GGACT: variants seen among roughly 807,000 people sequenced by gnomAD.
GGACT encodes the protein gamma-glutamylaminecyclotransferase.
For synonymous variants in GGACT, 118 were observed against 115.3 expected, an observed-to-expected ratio of 1.02 and a Z score of -0.15; for missense variants, 241 against 233.2, an observed-to-expected ratio of 1.03 and a Z score of -0.22.
chr13:100,551,982 C>A (rs2088668850), intron 2 of GGACT, among the ~76,000 whole-genome samples: 1 of 152,170 alleles, frequency 6.6e-6, no homozygotes, highest in South Asian at 2.1e-4. Flanking sequence ...GGGTAGCTCC[C>A]TGTGGGCACA....
At chr13:100,578,084 T>C (rs7981664) in intron 2 of GGACT, among the ~76,000 whole-genome samples, 56,973 of 151,988 alleles carry the variant, frequency 0.37, 11,582 homozygotes, top group Non-Finnish European at 0.46. Flanking sequence ...CAAAGTTGAC[T>C]CTGAAAACCA....
At chr13:100,584,708 C>T (rs1178410773) in intron 1 of GGACT, among the ~76,000 whole-genome samples, 1 of 152,126 alleles carries the variant, frequency 6.6e-6, no homozygotes, top group Non-Finnish European at 1.5e-5. Context: ...CACATTGTAT[C>T]TCATATACCT....
chr13:100,557,592 AC>A (rs2088720274), intron 2 of GGACT, among the ~76,000 whole-genome samples: 1 of 151,806 alleles, frequency 6.6e-6, no homozygotes. Context: ...ATTTTTAAAA[AC>A]CTCTTATCTC....
intron 2 of GGACT, among the ~76,000 whole-genome samples, 181 bp downstream of exon 2, chr13:100,583,644 C>T (rs1875482022): frequency 6.6e-6 from 1 of 152,152 alleles, no homozygotes; most frequent in South Asian, 2.1e-4. Flanking sequence ...AATCCTCCTG[C>T]CTCAGCCTCC....
chr13:100,534,793 G>C lies in GGACT; in HGVS notation c.-10-2192C>G, dbSNP rs959045142. ...TGTTGTCTTTGTTCCCCTGGATCCT[G>C]CCCCCAGTGCACCACCCAGAGGGTC... On this transcript the variant is annotated intron_variant, in intron 2 of 2. Coordinates refer to ENST00000683975, the MANE Select transcript of GGACT (RefSeq NM_001195087.2). The surrounding 1 kb of genome is among the most constrained non-coding windows in gnomAD (Gnocchi z 4.9). 1.1e-4 allele frequency among the ~76,000 whole-genome samples: 17 copies of C among 151,934 alleles called. 1 individual carries two copies. The highest frequency in any genetic ancestry group is 5.2e-4 in the Admixed American group (8 of 15,270).
intron 2 of GGACT, among the ~76,000 whole-genome samples, chr13:100,551,305 A>G (rs2088662269): frequency 6.6e-6 from 1 of 152,004 alleles, no homozygotes; most frequent in Admixed American, 6.6e-5. Context: ...AAAAACCCAT[A>G]ATGTATATAT....
chr13:100,570,803 G>C (rs1297682560), intron 2 of GGACT, among the ~76,000 whole-genome samples: 1 of 152,136 alleles, frequency 6.6e-6, no homozygotes, highest in Admixed American at 6.6e-5. Context: ...GACTAATACA[G>C]TAAATTTGTA....
intron 2 of GGACT, among the ~76,000 whole-genome samples, chr13:100,550,775 G>A (rs893749835): frequency 6.6e-6 from 1 of 152,158 alleles, no homozygotes; most frequent in Admixed American, 6.5e-5. Context: ...CAATCCACTC[G>A]CTTCAGAAAC....
intron 2 of GGACT, among the ~76,000 whole-genome samples, chr13:100,544,638 G>A (rs1454602008): frequency 6.6e-6 from 1 of 152,198 alleles, no homozygotes; most frequent in Admixed American, 6.5e-5. Context: ...AAATCAAACG[G>A]ACACTTGGTC....
At chr13:100,532,653 T>G in intron 2 of GGACT, 52 bp from the exon 3 acceptor site, 1 of 1,407,924 alleles carries the variant, frequency 7.1e-7, no homozygotes, top group Non-Finnish European at 9.6e-7. Context: ...GCTCTGTGTC[T>G]GCACCTGGGA....
chr13:100,548,678 G>A (rs904865900), intron 2 of GGACT, among the ~76,000 whole-genome samples: 3 of 152,184 alleles, frequency 2.0e-5, no homozygotes, highest in African/African-American at 7.2e-5. Context: ...CCATAAACAG[G>A]AACAATTATC....
At chr13:100,556,883 C>CT (rs1002011773) in intron 2 of GGACT, among the ~76,000 whole-genome samples, 4 of 151,820 alleles carry the variant, frequency 2.6e-5, no homozygotes, top group African/African-American at 9.7e-5. Flanking sequence ...CAAAGTTTCT[C>CT]TTTTTTTTGA....
chr13:100,586,740 A>G (rs1875588968), intron 1 of GGACT: 1 of 152,218 alleles, frequency 6.6e-6, no homozygotes, highest in Non-Finnish European at 1.5e-5. Flanking sequence ...CGTTCTAGCT[A>G]TTTACCAGGT....
intron 2 of GGACT, among the ~76,000 whole-genome samples, chr13:100,571,297 T>C (rs1372791162): frequency 6.6e-6 from 1 of 152,216 alleles, no homozygotes; most frequent in Non-Finnish European, 1.5e-5. Context: ...TCCAAACTGA[T>C]GCTGTGTCTT....
intron 2 of GGACT, among the ~76,000 whole-genome samples, chr13:100,555,342 C>G (rs868465241): frequency 2.0e-5 from 3 of 152,056 alleles, no homozygotes; most frequent in Admixed American, 6.5e-5. Flanking sequence ...CTGGGCAACA[C>G]AGCAAAACCC....
intron 2 of GGACT, among the ~76,000 whole-genome samples, chr13:100,574,002 A>G (rs1463024774): frequency 1.3e-5 from 2 of 152,238 alleles, no homozygotes; most frequent in East Asian, 3.9e-4. Context: ...CAGAGAACTT[A>G]AAACAGACCT....
At chr13:100,565,796 CACCCACCA>C (rs2088805652) in intron 2 of GGACT, among the ~76,000 whole-genome samples, 2 of 152,170 alleles carry the variant, frequency 1.3e-5, no homozygotes, top group Non-Finnish European at 2.9e-5. Flanking sequence ...TCTCACATGG[CACCCACCA>C]AGCCCATGCC....
At chr13:100,583,305 G>A (rs961786233) in intron 2 of GGACT, among the ~76,000 whole-genome samples, 5 of 152,134 alleles carry the variant, frequency 3.3e-5, no homozygotes, top group East Asian at 1.9e-4. Flanking sequence ...AGGGGAGATC[G>A]ATATTTTTAA....
intron 2 of GGACT, chr13:100,540,203 C>T: frequency 5.4e-6 from 8 of 1,489,210 alleles, no homozygotes; most frequent in South Asian, 1.1e-5. Flanking sequence ...TGCACGTGGC[C>T]GCGGCCCTTT....
Sources: gnomAD v4.1 joint callset for allele counts (sites outside exome capture counted in the v4.1 genomes callset) on GRCh38, gnomAD v4.1.1 for gene constraint, Gnocchi (gnomAD v3.1) non-coding constraint, MANE v1.5 for transcripts, NCBI Gene and HGNC (gene_info 2026-07-23, HGNC 2026-07-21) for gene names.